MLLT11: variants seen among roughly 807,000 people sequenced by gnomAD.
MLLT11 encodes the protein MLLT11 transcription factor 7 cofactor.
MLLT11 carries 1 observed loss-of-function variant against 5.3 expected under a neutral mutation model. The ratio of observed to expected loss-of-function variants is 0.19; its 90% confidence interval spans 0.07 to 0.89. MLLT11 has a LOEUF of 0.89. MLLT11 is among the 40% of genes least tolerant of loss of function. MLLT11 has a pLI of 0.67. For missense variants in MLLT11, 87 were observed against 107.3 expected, an observed-to-expected ratio of 0.81 and a Z score of 0.83; for synonymous variants, 38 against 41.7, an observed-to-expected ratio of 0.91 and a Z score of 0.34.
intron 1 of MLLT11, among the ~76,000 whole-genome samples, chr1:151,062,345 T>A (rs1368290774): frequency 1.3e-5 from 2 of 149,626 alleles, no homozygotes; most frequent in Admixed American, 6.6e-5. Flanking sequence ...ATTCTATGAT[T>A]TTTTCCCCCC....
intron 1 of MLLT11, among the ~76,000 whole-genome samples, chr1:151,062,577 G>A (rs1185636924): frequency 6.6e-6 from 1 of 151,930 alleles, no homozygotes; most frequent in Non-Finnish European, 1.5e-5. Flanking sequence ...TGGCCAGGCT[G>A]GTCTCGAATT....
chr1:151,062,999 C>T (rs986577664), intron 1 of MLLT11, among the ~76,000 whole-genome samples: 1 of 152,158 alleles, frequency 6.6e-6, no homozygotes, highest in African/African-American at 2.4e-5. Flanking sequence ...ACATGCTCCC[C>T]GACCCTGCTG....
chr1:151,063,039 G>A (rs1023769287), intron 1 of MLLT11, among the ~76,000 whole-genome samples: 3 of 152,112 alleles, frequency 2.0e-5, no homozygotes, highest in African/African-American at 7.2e-5. Flanking sequence ...CTTCTAAGCA[G>A]CTTCTCTGCT....
chr1:151,066,498 A>C (rs1676478052), intron 1 of MLLT11, among the ~76,000 whole-genome samples: 1 of 152,232 alleles, frequency 6.6e-6, no homozygotes, highest in African/African-American at 2.4e-5. Context: ...AGGAATGAGC[A>C]TAACTGTAAC....
At position 151,069,140 on chromosome 1, in the gene MLLT11, C is replaced by T. The variant is rs1013815166; in HGVS notation, c.*1643C>T. On this transcript the variant is annotated 3_prime_UTR_variant, in exon 2 of 2. Transcript: ENST00000368921. ...TCACTCAAATATGTTATCTGCTTAACTTCTGGTTTTTGTGTGCCTGCTATA... is the reference window on the plus strand; with the variant it reads ...TCACTCAAATATGTTATCTGCTTAATTTCTGGTTTTTGTGTGCCTGCTATA... 6.6e-6 allele frequency among the ~76,000 whole-genome samples: 1 copy of T among 152,148 alleles called. No homozygotes were observed. Among genetic ancestry groups the T allele is most frequent in the African/African-American group, 2.4e-5 (1 of 41,434 alleles).
chr1:151,062,434 C>T (rs1178376571), intron 1 of MLLT11, among the ~76,000 whole-genome samples: 1 of 150,664 alleles, frequency 6.6e-6, no homozygotes, highest in African/African-American at 2.5e-5. Flanking sequence ...GCAATCTTGG[C>T]TCACTGCAAC....
chr1:151,064,782 T>G (rs1676453399), intron 1 of MLLT11, among the ~76,000 whole-genome samples: 1 of 151,636 alleles, frequency 6.6e-6, no homozygotes, highest in African/African-American at 2.4e-5. Flanking sequence ...TGTTTGGGCG[T>G]GTCTGTGTGG....
chr1:151,067,100 GAAAAAAA>G (rs57235606), intron 1 of MLLT11, 112 bp from the exon 2 acceptor site: 14 of 647,224 alleles, frequency 2.2e-5, no homozygotes, highest in Middle Eastern at 4.5e-4. Context: ...TTCTTTAATA[GAAAAAAA>G]AAAAAAAAAG....
chr1:151,069,089 C>T lies in MLLT11; in HGVS notation c.*1592C>T, dbSNP rs1676525419. 1.3e-5 allele frequency among the ~76,000 whole-genome samples: 2 copies of T among 152,098 alleles called. No homozygotes were observed. Among genetic ancestry groups the T allele is most frequent in the South Asian group, 4.1e-4 (2 of 4,834 alleles). ...CATTATATTTCAGGTAATAATTCTC[C>T]TAGGTGCCTAAGAAGATAAACGAAT... is the stretch of plus-strand genomic sequence containing the variant. On this transcript the variant is annotated 3_prime_UTR_variant, in exon 2 of 2. Coordinates refer to ENST00000368921, the MANE Select transcript of MLLT11 (RefSeq NM_006818.4).
chr1:151,067,790 TGA>T lies in MLLT11; in HGVS notation c.*297_*298del, dbSNP rs1676495515. On this transcript the variant is annotated 3_prime_UTR_variant, in exon 2 of 2. Transcript: ENST00000368921. ...GAAACTAGGCCTGACTGGGGACACC[TGA>T]GAGTAGTATAGTAGTGCAAAATGGA... The T allele has an allele frequency of 6.4e-6, 3 of 470,432 alleles. No homozygotes were observed. The highest frequency in any genetic ancestry group is 1.2e-5 in the Non-Finnish European group (3 of 251,684). The allele number at this position is 470,432 out of a possible 1,614,324, so 29.1% of individuals were successfully genotyped here.
intron 1 of MLLT11, among the ~76,000 whole-genome samples, chr1:151,061,623 G>A (rs1676409355): frequency 6.6e-6 from 1 of 152,194 alleles, no homozygotes; most frequent in Admixed American, 6.5e-5. Flanking sequence ...TGTAAAGATA[G>A]ATGAAGTAGG....
chr1:151,068,358 A>C lies in MLLT11; in HGVS notation c.*861A>C, dbSNP rs920098566. On this transcript the variant is annotated 3_prime_UTR_variant, in exon 2 of 2. Transcript: ENST00000368921. ...ATACGTAATACTGATCAGTGGGCAC[A>C]GTTCTTCAGCTACATTGAGACCCTG... The C allele has an allele frequency of 4.4e-6, 1 of 226,470 alleles. No individual in the cohort carries two copies. The highest frequency in any genetic ancestry group is 7.1e-5 in the East Asian group (1 of 14,080). 14.0% of individuals were successfully genotyped at this position (226,470 alleles called of 1,614,324 possible). A position where few individuals can be genotyped will look rare whatever the true frequency, so the allele number is the denominator to read the frequency against.
rs371944503 is a variant in MLLT11 at position 151,064,970 on chromosome 1, A to G, written c.-6-2249A>G. Reference sequence around the variant, plus strand: ...AAGGCACTGTCAACCCTTTAAGTAAATGATACCGTTTAAGATAATGATAGA... The same window carrying G: ...AAGGCACTGTCAACCCTTTAAGTAAGTGATACCGTTTAAGATAATGATAGA... On this transcript the variant is annotated intron_variant, in intron 1 of 1. Coordinates refer to ENST00000368921, the MANE Select transcript of MLLT11 (RefSeq NM_006818.4). Among the ~76,000 whole-genome samples the G allele has an allele frequency of 4.4e-4, 67 of 152,290 alleles. 1 individual carries two copies. The highest frequency in any genetic ancestry group is 1.4e-3 in the African/African-American group (57 of 41,552).
At chr1:151,061,911 C>A (rs1470624024) in intron 1 of MLLT11, among the ~76,000 whole-genome samples, 3 of 152,078 alleles carry the variant, frequency 2.0e-5, no homozygotes, top group African/African-American at 4.8e-5. Flanking sequence ...GATTTTAGGC[C>A]TTTTGAGTTA....
chr1:151,061,761 A>G (rs1676411226), intron 1 of MLLT11, among the ~76,000 whole-genome samples: 1 of 152,216 alleles, frequency 6.6e-6, no homozygotes. Context: ...TACATTAGTG[A>G]ATAGCATTTT....
chr1:151,060,502 C>G lies in MLLT11; in HGVS notation c.-58C>G, dbSNP rs764361066. Reference sequence around the variant, plus strand: ...CCAGCCCGGCGCAGACCCCGGAGCTCCCGAGGCACTCCCTCCATCTTTGGA... The same window carrying G: ...CCAGCCCGGCGCAGACCCCGGAGCTGCCGAGGCACTCCCTCCATCTTTGGA... On this transcript the variant is annotated 5_prime_UTR_variant, in exon 1 of 2. Transcript: ENST00000368921. 4.6e-5 allele frequency: 7 copies of G among 152,316 alleles called. 1 individual carries two copies. The highest frequency in any genetic ancestry group is 1.7e-4 in the African/African-American group (7 of 41,544). The allele number at this position is 152,316 out of a possible 1,614,324, so 9.4% of individuals were successfully genotyped here.
In MLLT11 at chr1:151,068,134, ATTTCT is replaced by A. The variant is rs1331335686; in HGVS notation, c.*643_*647del. The A allele has an allele frequency of 4.2e-6, 1 of 240,084 alleles. No individual in the cohort carries two copies. The allele number at this position is 240,084 out of a possible 1,614,324, so 14.9% of individuals were successfully genotyped here. A position where few individuals can be genotyped will look rare whatever the true frequency, so the allele number is the denominator to read the frequency against. ...AATTGAATCATTTTAGAAGTAGCTA[ATTTCT>A]TTTCTCAAAAGAGTGTCCCTTCTTC... On this transcript the variant is annotated 3_prime_UTR_variant, in exon 2 of 2. Coordinates refer to ENST00000368921, the MANE Select transcript of MLLT11 (RefSeq NM_006818.4).
chr1:151,067,756 T>C lies in MLLT11; in HGVS notation c.*259T>C. On this transcript the variant is annotated 3_prime_UTR_variant, in exon 2 of 2. Transcript: ENST00000368921. ...GGATTCCTCCTTTCCCCCCCAAATATTAACTCCAGAAACTAGGCCTGACTG... is the reference window on the plus strand; with the variant it reads ...GGATTCCTCCTTTCCCCCCCAAATACTAACTCCAGAAACTAGGCCTGACTG... 1.9e-6 allele frequency: 1 copy of C among 527,620 alleles called. No homozygotes were observed. The highest frequency in any genetic ancestry group is 3.5e-6 in the Non-Finnish European group (1 of 287,002). The allele number at this position is 527,620 out of a possible 1,614,324, so 32.7% of individuals were successfully genotyped here. A position where few individuals can be genotyped will look rare whatever the true frequency, so the allele number is the denominator to read the frequency against.
rs1354557005 is a variant in MLLT11 at position 151,067,132 on chromosome 1, C to T, written c.-6-87C>T. On this transcript the variant is annotated intron_variant, in intron 1 of 1. Transcript: ENST00000368921. ...AAAAAAAAAAGAAATTCCTTTTTAC[C>T]AGTATGTGGAGTATCTAAGCAAGGA... 73 of 1,030,572 alleles carry T rather than the reference C, an allele frequency of 7.1e-5. 1 individual carries two copies. The East Asian group carries it at 1.6e-3, about 22-fold the overall frequency. The allele number at this position is 1,030,572 out of a possible 1,614,324, so 63.8% of individuals were successfully genotyped here.
Sources: allele counts gnomAD v4.1 joint callset (sites outside exome capture counted in the v4.1 genomes callset), GRCh38; gene constraint gnomAD v4.1.1; transcripts MANE v1.5; gene names NCBI Gene and HGNC (gene_info 2026-07-23, HGNC 2026-07-21).